Variants in MAPRE2 observed in about 807,000 individuals in gnomAD.
MAPRE2 encodes the protein microtubule associated protein RP/EB family member 2.
MAPRE2 carries 13 observed loss-of-function variants against 43.2 expected under a neutral mutation model. The observed-to-expected ratio is 0.30, with a 90% confidence interval of 0.20 to 0.48. The LOEUF (loss-of-function observed/expected upper bound fraction) is 0.48, where lower values mean the gene tolerates loss of function less well. MAPRE2 is among the 20% of genes least tolerant of loss of function. The pLI is 0.99. For synonymous variants in MAPRE2, 135 were observed against 148.8 expected (o/e 0.91, Z 0.68); for missense variants, 161 against 400.2 (o/e 0.40, Z 5.10).
chr18:35,101,100 G>A (rs1349876317), intron 3 of MAPRE2, among the ~76,000 whole-genome samples: 1 of 152,178 alleles, frequency 6.6e-6, no homozygotes, highest in Non-Finnish European at 1.5e-5. Context: ...CATTCCAGGC[G>A]TCTGTTTTTC....
rs966664803 is a variant in MAPRE2, at chr18:35,048,732, TTAA to T, written c.122+7074_122+7076del. On this transcript the variant is annotated intron_variant, in intron 1 of 6. Transcript: ENST00000300249. The stretch of plus-strand genomic sequence containing the variant: ...ATATAGTGTATATATAGTATATGTG[TTAA>T]TACTATAACACAATGGTGAGAACTG... Among the ~76,000 whole-genome samples, 3 of 149,464 alleles carry T rather than the reference TTAA, an allele frequency of 2.0e-5. No homozygotes were observed. The Admixed American group carries it at 2.0e-4, about 10-fold the overall frequency.
intron 1 of MAPRE2, among the ~76,000 whole-genome samples, chr18:35,002,581 C>T (rs1043122437): frequency 3.3e-5 from 5 of 152,028 alleles, no homozygotes; most frequent in Admixed American, 2.0e-4. Flanking sequence ...TTGGTGTTGT[C>T]GCTATTTTTT....
In MAPRE2 at chr18:35,141,401, A is replaced by G. The variant is rs1227350297; in HGVS notation, c.*1032A>G. The G allele has an allele frequency of 6.6e-6, 1 of 152,252 alleles. No individual in the cohort carries two copies. Among genetic ancestry groups the G allele is most frequent in the African/African-American group, 2.4e-5 (1 of 41,470 alleles). 9.4% of individuals were successfully genotyped at this position (152,252 alleles called of 1,614,324 possible). Reference sequence around the variant, plus strand: ...TAGAAGTGAAGACCTTATTAATAGGAGCATAATTGCGAGGGAGAATCATGG... The same window carrying G: ...TAGAAGTGAAGACCTTATTAATAGGGGCATAATTGCGAGGGAGAATCATGG... On this transcript the variant is annotated 3_prime_UTR_variant, in exon 7 of 7. Coordinates refer to ENST00000300249, the MANE Select transcript of MAPRE2 (RefSeq NM_014268.4).
chr18:35,059,613 A>G (rs1906418249), intron 1 of MAPRE2, among the ~76,000 whole-genome samples: 1 of 152,184 alleles, frequency 6.6e-6, no homozygotes. Flanking sequence ...GTAAACAAAC[A>G]AGATAATTAC....
chr18:35,062,502 C>G (rs1188162474), intron 1 of MAPRE2, among the ~76,000 whole-genome samples: 1 of 152,244 alleles, frequency 6.6e-6, no homozygotes, highest in East Asian at 1.9e-4. Flanking sequence ...CCTCACTTTA[C>G]CTGCTATGCT....
At chr18:34,987,409 A>G (rs909112392) in intron 1 of MAPRE2, among the ~76,000 whole-genome samples, 1 of 152,202 alleles carries the variant, frequency 6.6e-6, no homozygotes, top group African/African-American at 2.4e-5. Flanking sequence ...ACAAATGAAC[A>G]CAGGTGAATC....
intron 1 of MAPRE2, among the ~76,000 whole-genome samples, chr18:35,061,449 G>A (rs895650623): frequency 1.3e-5 from 2 of 152,292 alleles, no homozygotes; most frequent in African/African-American, 4.8e-5. Context: ...AGTCAGTTCC[G>A]TGCTCACACC....
intron 1 of MAPRE2, among the ~76,000 whole-genome samples, chr18:35,055,233 A>G (rs910257307): frequency 6.6e-6 from 1 of 152,146 alleles, no homozygotes; most frequent in African/African-American, 2.4e-5. Flanking sequence ...AGGTGTTAGT[A>G]AGGCCATGCT....
intron 1 of MAPRE2, among the ~76,000 whole-genome samples, chr18:35,060,266 A>G (rs1363126236): frequency 6.6e-6 from 1 of 152,098 alleles, no homozygotes; most frequent in Non-Finnish European, 1.5e-5. Context: ...TATGGTCAAG[A>G]AGGAGTGGAT....
chr18:35,132,983 G>A (rs1028201601), intron 6 of MAPRE2, among the ~76,000 whole-genome samples: 18 of 152,202 alleles, frequency 1.2e-4, no homozygotes, highest in African/African-American at 4.3e-4. Flanking sequence ...GCCAAGTTGA[G>A]GGGTTGGGGT....
At chr18:35,137,873 TA>T (rs1569018811) in intron 6 of MAPRE2, among the ~76,000 whole-genome samples, 1 of 152,070 alleles carries the variant, frequency 6.6e-6, no homozygotes, top group African/African-American at 2.4e-5. Flanking sequence ...GACTTTCTCA[TA>T]ATTTAGAGGA....
chr18:35,035,297 G>T lies in MAPRE2; in HGVS notation c.-8+29744G>T, dbSNP rs550412908. Among the ~76,000 whole-genome samples, 523 of 151,374 alleles carry T rather than the reference G, an allele frequency of 3.5e-3. 2 individuals are homozygous for T. Among genetic ancestry groups the T allele is most frequent in the African/African-American group, 0.011 (468 of 41,096 alleles). ...AAACACCGCATGTTCTCACTCGTAG[G>T]TGGGAATTGAACAATGAGAACACAT... On this transcript the variant is annotated intron_variant, in intron 2 of 7. Transcript: ENST00000413393.
chr18:35,074,826 T>C (rs933321256), intron 2 of MAPRE2, among the ~76,000 whole-genome samples: 1 of 152,124 alleles, frequency 6.6e-6, no homozygotes, highest in African/African-American at 2.4e-5. Flanking sequence ...ACAGTCTGCA[T>C]GTAGGGCTGG....
intron 4 of MAPRE2, among the ~76,000 whole-genome samples, chr18:35,115,272 G>A (rs1196428724): frequency 6.6e-6 from 1 of 152,162 alleles, no homozygotes; most frequent in Non-Finnish European, 1.5e-5. Context: ...TGTTTTTGAA[G>A]TGCTCTCCAG....
chr18:35,076,239 G>A (rs1038855413), intron 2 of MAPRE2, among the ~76,000 whole-genome samples: 4 of 152,162 alleles, frequency 2.6e-5, no homozygotes, highest in Admixed American at 6.5e-5. Flanking sequence ...GGGACCCAGC[G>A]ATAAATAAAA....
intron 4 of MAPRE2, among the ~76,000 whole-genome samples, chr18:35,126,671 A>G (rs1156996723): frequency 6.6e-6 from 1 of 152,118 alleles, no homozygotes; most frequent in Admixed American, 6.5e-5. Context: ...TCTTACTCTT[A>G]TATCTCCAGA....
chr18:35,036,633 A>G (rs192828653), upstream of MAPRE2, among the ~76,000 whole-genome samples: 3 of 152,204 alleles, frequency 2.0e-5, no homozygotes, highest in Admixed American at 1.3e-4. Flanking sequence ...TTCCCTCTAC[A>G]CTGCCATTCC....
intron 1 of MAPRE2, among the ~76,000 whole-genome samples, chr18:35,069,195 A>G (rs867121767): frequency 1.3e-5 from 2 of 152,308 alleles, no homozygotes; most frequent in South Asian, 4.1e-4. Context: ...TTTTAATTGC[A>G]AGGAAAGATT....
At chr18:35,016,907 GT>G (rs1453559988) in intron 2 of MAPRE2, among the ~76,000 whole-genome samples, 1 of 151,490 alleles carries the variant, frequency 6.6e-6, no homozygotes, top group South Asian at 2.1e-4. Flanking sequence ...GTGTTTCCTA[GT>G]TTTTTTTCTA....
Sources: gnomAD v4.1 joint callset for allele counts (sites outside exome capture counted in the v4.1 genomes callset) on GRCh38, gnomAD v4.1.1 for gene constraint, MANE v1.5 for transcripts, NCBI Gene and HGNC (gene_info 2026-07-23, HGNC 2026-07-21) for gene names.